The following SLC12A2 variants were observed in gnomAD, a reference collection of about 807,000 sequenced individuals.
SLC12A2 encodes the protein solute carrier family 12 member 2, also known as Na-K-2Cl cotransporter 1.
SLC12A2 carries 67 observed loss-of-function variants against 136.3 expected under a neutral mutation model. The ratio of observed to expected loss-of-function variants is 0.49; its 90% CI spans 0.40 to 0.60. The LOEUF is 0.60. Among genes scored for constraint, SLC12A2 ranks in the 20% least tolerant of loss-of-function variants. The probability of loss-of-function intolerance (pLI) is 0.00; values close to 1 mark genes in which losing one functional copy is unlikely to be tolerated. For synonymous variants in SLC12A2, 619 were observed against 562.9 expected (o/e 1.10, Z -1.41); for missense variants, 1,322 against 1,534.7 (o/e 0.86, Z 2.32).
chr5:128,185,572 A>T (rs139093566), intron 26 of SLC12A2, among the ~76,000 whole-genome samples: 1 of 152,324 alleles, frequency 6.6e-6, no homozygotes, highest in African/African-American at 2.4e-5. Flanking sequence ...AATACCTGTA[A>T]ATGGAAAAGA....
At chr5:128,175,435 A>G (rs9327470) in intron 20 of SLC12A2, among the ~76,000 whole-genome samples, 5,740 of 152,100 alleles carry the variant, frequency 0.038, 404 homozygotes, top group African/African-American at 0.13. Context: ...TCAAAATTCT[A>G]TAAACTGATT....
chr5:128,085,645 T>C (rs80214511), intron 1 of SLC12A2, among the ~76,000 whole-genome samples: 2,161 of 152,358 alleles, frequency 0.014, 54 homozygotes, highest in African/African-American at 0.048. Flanking sequence ...TTTACAAGTG[T>C]GTAATGACTA....
intron 1 of SLC12A2, among the ~76,000 whole-genome samples, chr5:128,087,128 C>A (rs1474960993): frequency 6.6e-6 from 1 of 152,196 alleles, no homozygotes; most frequent in Non-Finnish European, 1.5e-5. Context: ...CCATCACTGA[C>A]TTTTTAAAAG....
At chr5:128,155,644 C>T (rs1762850035) in intron 15 of SLC12A2, among the ~76,000 whole-genome samples, 1 of 152,074 alleles carries the variant, frequency 6.6e-6, no homozygotes, top group Non-Finnish European at 1.5e-5. Flanking sequence ...TAGTTTCTTA[C>T]TGTTTACTGT....
chr5:128,092,948 T>TTC (rs576680783), intron 1 of SLC12A2, among the ~76,000 whole-genome samples: 2 of 152,306 alleles, frequency 1.3e-5, no homozygotes, highest in South Asian at 4.1e-4. Flanking sequence ...CTCTCATTCC[T>TTC]TTCCAGGTAC....
intron 23 of SLC12A2, among the ~76,000 whole-genome samples, 199 bp from the exon 24 acceptor site, chr5:128,182,656 T>G (rs1228835174): frequency 6.6e-6 from 1 of 152,126 alleles, no homozygotes; most frequent in Non-Finnish European, 1.5e-5. Context: ...AGTAAAATAC[T>G]CAGTGATTAC....
intron 4 of SLC12A2, among the ~76,000 whole-genome samples, chr5:128,122,299 G>T (rs1344213946): frequency 6.6e-6 from 1 of 152,168 alleles, no homozygotes; most frequent in Non-Finnish European, 1.5e-5. Flanking sequence ...TCAATCAGCT[G>T]ACAATTGTTG....
intron 9 of SLC12A2, among the ~76,000 whole-genome samples, chr5:128,139,613 C>G (rs1762296622): frequency 6.6e-6 from 1 of 152,048 alleles, no homozygotes; most frequent in African/African-American, 2.4e-5. Context: ...GTTTTCATGG[C>G]AAAGAAGGTT....
intron 1 of SLC12A2, among the ~76,000 whole-genome samples, chr5:128,093,723 G>A (rs1448685356): frequency 6.6e-6 from 1 of 152,062 alleles, no homozygotes; most frequent in African/African-American, 2.4e-5. Context: ...AAAAGTAATT[G>A]CATTTTTTGA....
intron 1 of SLC12A2, among the ~76,000 whole-genome samples, chr5:128,109,193 A>G (rs1431684960): frequency 1.3e-5 from 2 of 152,264 alleles, no homozygotes; most frequent in Non-Finnish European, 2.9e-5. Flanking sequence ...TTTTCAAAAA[A>G]TATACTTAAT....
chr5:128,142,834 A>ATG (rs924702586), intron 10 of SLC12A2, among the ~76,000 whole-genome samples: 17 of 151,892 alleles, frequency 1.1e-4, no homozygotes, highest in Admixed American at 3.9e-4. Context: ...AAATAACCTT[A>ATG]TGTGTGTGTG....
chr5:128,109,975 T>G lies in SLC12A2; in HGVS notation c.757-2839T>G. The G allele has an allele frequency of 3.1e-6, 3 of 966,438 alleles. No homozygotes were observed. The East Asian group carries it at 7.2e-5, about 23-fold the overall frequency. The allele number at this position is 966,438 out of a possible 1,614,324, so 59.9% of individuals were successfully genotyped here. On this transcript the variant is annotated intron_variant, in intron 1 of 26. Coordinates refer to ENST00000262461, the MANE Select transcript of SLC12A2 (RefSeq NM_001046.3). ...ACCATTGCTCAGATTCAGAGAGATCTGGCACATTTCCCTACTGTGGATCCA... is the reference window on the plus strand; with the variant it reads ...ACCATTGCTCAGATTCAGAGAGATCGGGCACATTTCCCTACTGTGGATCCA...
Position 128,114,580 on chromosome 5 carries a change from G to A in SLC12A2, c.953-6G>A, listed in dbSNP as rs757860486. 44 of 1,583,778 alleles carry A rather than the reference G, an allele frequency of 2.8e-5. No individual in the cohort carries two copies. The highest frequency in any genetic ancestry group is 1.9e-4 in the African/African-American group (14 of 74,352). On this transcript the variant is annotated splice_region_variant and splice_polypyrimidine_tract_variant and intron_variant, in intron 3 of 26. Coordinates refer to ENST00000262461, the MANE Select transcript of SLC12A2 (RefSeq NM_001046.3). ...GTATTCTCATTGTCTTTCTTTCTTC[G>A]TAAAGGTCTATCAGTCCTTGTAATA...
intron 4 of SLC12A2, among the ~76,000 whole-genome samples, chr5:128,121,345 CAG>C (rs1481006014): frequency 3.3e-5 from 5 of 151,770 alleles, no homozygotes; most frequent in African/African-American, 1.2e-4. Flanking sequence ...TTTTTTGAGA[CAG>C]AGTCTTGCTC....
chr5:128,182,310 C>A (rs1435661800), intron 23 of SLC12A2, among the ~76,000 whole-genome samples: 2 of 152,088 alleles, frequency 1.3e-5, no homozygotes, highest in African/African-American at 4.8e-5. Context: ...GCCAGCTAAG[C>A]CTTCAGAAAG....
At chr5:128,111,959 T>G (rs537663925) in intron 1 of SLC12A2, among the ~76,000 whole-genome samples, 1 of 152,170 alleles carries the variant, frequency 6.6e-6, no homozygotes, top group African/African-American at 2.4e-5. Flanking sequence ...CTCTGCTGTT[T>G]AGATGTGGGT....
At chr5:128,096,481 A>G (rs1305827326) in intron 1 of SLC12A2, among the ~76,000 whole-genome samples, 1 of 152,096 alleles carries the variant, frequency 6.6e-6, no homozygotes, top group Non-Finnish European at 1.5e-5. Context: ...AACTCTTTAT[A>G]GGAAGATTTT....
intron 1 of SLC12A2, among the ~76,000 whole-genome samples, chr5:128,106,507 A>G (rs553610178): frequency 6.6e-6 from 1 of 152,274 alleles, no homozygotes; most frequent in African/African-American, 2.4e-5. Flanking sequence ...ACCCAATTTT[A>G]TTATATTTAA....
intron 10 of SLC12A2, among the ~76,000 whole-genome samples, chr5:128,144,784 G>A (rs1385298069): frequency 1.3e-5 from 2 of 151,984 alleles, no homozygotes; most frequent in Non-Finnish European, 2.9e-5. Flanking sequence ...ATGTCCAAAT[G>A]TGCCTGACTT....
Sources: allele counts gnomAD v4.1 joint callset (sites outside exome capture counted in the v4.1 genomes callset), GRCh38; gene constraint gnomAD v4.1.1; transcripts MANE v1.5; gene names NCBI Gene and HGNC (gene_info 2026-07-23, HGNC 2026-07-21).